Variants in SAMD12 observed in about 807,000 individuals in gnomAD.
SAMD12 encodes the protein sterile alpha motif domain containing 12.
In SAMD12, 9 loss-of-function variants were observed where a neutral mutation model predicts 15.0. That is an observed-to-expected ratio of 0.60 (90% CI 0.36 to 1.05). The LOEUF (loss-of-function observed/expected upper bound fraction) is 1.05. Ranked by LOEUF, SAMD12 falls within the 50% of genes least tolerant of loss-of-function variation. The probability of loss-of-function intolerance (pLI) is 0.01; values close to 1 mark genes in which losing one functional copy is unlikely to be tolerated. For missense variants in SAMD12, 230 were observed against 234.2 expected (o/e 0.98, Z 0.12); for synonymous variants, 86 against 90.1 (o/e 0.96, Z 0.25).
At chr8:118,292,349 G>GACACACACAGAC (rs1554624055) in intron 4 of SAMD12, among the ~76,000 whole-genome samples, 2 of 137,720 alleles carry the variant, frequency 1.5e-5, no homozygotes, top group South Asian at 4.8e-4. Context: ...CAAACACACA[G>GACACACACAGAC]ACACACACAC....
At chr8:118,438,717 C>T (rs1185587337) in intron 3 of SAMD12, among the ~76,000 whole-genome samples, 1 of 151,980 alleles carries the variant, frequency 6.6e-6, no homozygotes, top group South Asian at 2.1e-4. Context: ...TAGGAGTGAA[C>T]AGAACAAGAG....
At chr8:118,161,055 G>C in the SAMD12 span, among the ~76,000 whole-genome samples, 1 of 151,770 alleles carries the variant, frequency 6.6e-6, no homozygotes, top group South Asian at 2.1e-4. Context: ...TTGGTTTTTT[G>C]TCCTTGCGAT....
the SAMD12 span, among the ~76,000 whole-genome samples, chr8:118,166,764 T>C: frequency 1.3e-5 from 2 of 152,204 alleles, no homozygotes; most frequent in Non-Finnish European, 2.9e-5. Flanking sequence ...ACTACAGATA[T>C]TAACAAAGGT....
chr8:118,528,441 T>C (rs1333412902), intron 2 of SAMD12, among the ~76,000 whole-genome samples: 1 of 152,254 alleles, frequency 6.6e-6, no homozygotes, highest in African/African-American at 2.4e-5. Flanking sequence ...CAACTTATTG[T>C]ATAACAATCT....
chr8:118,599,801 T>C (rs191936657), intron 1 of SAMD12, among the ~76,000 whole-genome samples: 8 of 152,260 alleles, frequency 5.3e-5, no homozygotes, highest in East Asian at 3.9e-4. Flanking sequence ...TCCCACCATA[T>C]GTAAACCTGG....
At chr8:118,503,974 AT>A (rs1490405086) in intron 2 of SAMD12, among the ~76,000 whole-genome samples, 3 of 152,116 alleles carry the variant, frequency 2.0e-5, no homozygotes, top group African/African-American at 7.2e-5. Context: ...CAAAGGCTAA[AT>A]TTTGTAATAG....
At chr8:118,242,155 T>C (rs1296420291) in intron 4 of SAMD12, among the ~76,000 whole-genome samples, 2 of 152,186 alleles carry the variant, frequency 1.3e-5, no homozygotes, top group African/African-American at 4.8e-5. Flanking sequence ...GCTCAAGTGA[T>C]CCACCCTCCT....
chr8:118,213,084 C>A (rs144591326), intron 4 of SAMD12, among the ~76,000 whole-genome samples: 2 of 152,228 alleles, frequency 1.3e-5, no homozygotes, highest in East Asian at 3.9e-4. Flanking sequence ...GAATTTAAAT[C>A]TGAATCTTGT....
At chr8:118,181,598 G>T in the SAMD12 span, among the ~76,000 whole-genome samples, 1 of 152,198 alleles carries the variant, frequency 6.6e-6, no homozygotes, top group African/African-American at 2.4e-5. Flanking sequence ...GCATAAGGCT[G>T]GGACTGTGAG....
At chr8:118,462,824 C>A (rs1242697352) in intron 2 of SAMD12, among the ~76,000 whole-genome samples, 1 of 152,096 alleles carries the variant, frequency 6.6e-6, no homozygotes, top group East Asian at 1.9e-4. Flanking sequence ...AAAAGTGGGC[C>A]GGGCGCGGTG....
At chr8:118,328,088 G>T (rs1026810532) in intron 4 of SAMD12, among the ~76,000 whole-genome samples, 1 of 152,156 alleles carries the variant, frequency 6.6e-6, no homozygotes. Flanking sequence ...AACATGGTCT[G>T]CTCTCTTCAC....
At chr8:118,305,432 A>G (rs924697707) in intron 4 of SAMD12, among the ~76,000 whole-genome samples, 4 of 152,006 alleles carry the variant, frequency 2.6e-5, no homozygotes, top group African/African-American at 9.7e-5. Flanking sequence ...TGTTTTCAAG[A>G]TTTCTCTCTG....
chr8:118,459,322 T>A (rs899809389), intron 2 of SAMD12, among the ~76,000 whole-genome samples: 1 of 152,140 alleles, frequency 6.6e-6, no homozygotes, highest in African/African-American at 2.4e-5. Flanking sequence ...CGCCTCAGCC[T>A]CCCAAAGTGC....
intron 3 of SAMD12, among the ~76,000 whole-genome samples, chr8:118,391,239 AAAG>A (rs961631362): frequency 6.6e-6 from 1 of 152,244 alleles, no homozygotes; most frequent in African/African-American, 2.4e-5. Flanking sequence ...TTTTTCAAGC[AAAG>A]AAGTCTAGTA....
intron 4 of SAMD12, among the ~76,000 whole-genome samples, chr8:118,215,843 T>C (rs1344596021): frequency 6.6e-6 from 1 of 152,208 alleles, no homozygotes; most frequent in Non-Finnish European, 1.5e-5. Flanking sequence ...ATGTGCCACA[T>C]TTTCTTAATC....
intron 4 of SAMD12, among the ~76,000 whole-genome samples, chr8:118,287,012 T>C (rs1814062824): frequency 6.6e-6 from 1 of 152,210 alleles, no homozygotes; most frequent in Admixed American, 6.5e-5. Context: ...TACACATTTT[T>C]TCTCAGCTGT....
chr8:118,178,182 C>A, the SAMD12 span, among the ~76,000 whole-genome samples: 67 of 152,232 alleles, frequency 4.4e-4, 1 homozygote, highest in South Asian at 0.013. Flanking sequence ...AGTTAACAAG[C>A]GTAAGCCCCA....
At chr8:118,484,543 A>G (rs992265627) in intron 2 of SAMD12, among the ~76,000 whole-genome samples, 2 of 152,186 alleles carry the variant, frequency 1.3e-5, no homozygotes, top group Non-Finnish European at 2.9e-5. Flanking sequence ...GTATATTCTT[A>G]TCTCCAAACT....
At chr8:118,307,105 G>A (rs1209060543) in intron 4 of SAMD12, among the ~76,000 whole-genome samples, 1 of 152,170 alleles carries the variant, frequency 6.6e-6, no homozygotes, top group East Asian at 1.9e-4. Context: ...TGGAGAACCA[G>A]CATGACCTAA....
Sources: allele counts gnomAD v4.1 joint callset (sites outside exome capture counted in the v4.1 genomes callset), GRCh38; gene constraint gnomAD v4.1.1; transcripts MANE v1.5; gene names NCBI Gene and HGNC (gene_info 2026-07-23, HGNC 2026-07-21).